The following TUBA1C variants were observed in gnomAD, a reference collection of about 807,000 sequenced individuals.
The protein encoded by TUBA1C is tubulin alpha-1C chain.
Under a neutral mutation model 34.9 loss-of-function variants are expected in TUBA1C, and 16 were observed. The observed-to-expected ratio is 0.46, with a 90% confidence interval of 0.31 to 0.70. The LOEUF (loss-of-function observed/expected upper bound fraction) is 0.70. Among genes scored for constraint, TUBA1C ranks in the 30% least tolerant of loss-of-function variants. The pLI is 0.05. For synonymous variants in TUBA1C, 177 were observed against 215.9 expected (o/e 0.82, Z 1.58); for missense variants, 329 against 587.3 (o/e 0.56, Z 4.55).
At chr12:49,231,592 C>T (rs1487623220) in intron 1 of TUBA1C, among the ~76,000 whole-genome samples, 1 of 152,162 alleles carries the variant, frequency 6.6e-6, no homozygotes, top group East Asian at 1.9e-4. Flanking sequence ...AATTTAATCT[C>T]CTTAACACTG....
intron 1 of TUBA1C, among the ~76,000 whole-genome samples, chr12:49,255,717 C>T (rs975266939): frequency 2.0e-5 from 3 of 152,122 alleles, no homozygotes; most frequent in Non-Finnish European, 4.4e-5. Flanking sequence ...AGGCGTCTGC[C>T]ACCACGCCTG....
chr12:49,255,344 T>C (rs887238954), intron 1 of TUBA1C, among the ~76,000 whole-genome samples: 1 of 151,558 alleles, frequency 6.6e-6, no homozygotes, highest in Non-Finnish European at 1.5e-5. Context: ...GTCAAAATGA[T>C]TCTGTTGCTT....
intron 1 of TUBA1C, among the ~76,000 whole-genome samples, chr12:49,266,747 G>T (rs893380683): frequency 3.9e-5 from 6 of 152,058 alleles, no homozygotes; most frequent in Non-Finnish European, 8.8e-5. Flanking sequence ...TTCTCGGGAG[G>T]CAGGGGTGGG....
chr12:49,236,106 G>A (rs1313518552), intron 1 of TUBA1C, among the ~76,000 whole-genome samples: 1 of 152,242 alleles, frequency 6.6e-6, no homozygotes, highest in East Asian at 1.9e-4. Context: ...GCCTTGCCAC[G>A]GTTTGATATA....
chr12:49,256,278 G>T, intron 1 of TUBA1C: 1 of 328,282 alleles, frequency 3.0e-6, no homozygotes. Flanking sequence ...TTTTTCCTCT[G>T]AAACAACTTT....
At chr12:49,240,787 A>T (rs1170023156) in intron 1 of TUBA1C, among the ~76,000 whole-genome samples, 1 of 151,552 alleles carries the variant, frequency 6.6e-6, no homozygotes, top group Non-Finnish European at 1.5e-5. Context: ...GTAGAGATGG[A>T]CTCTCACTAC....
rs955954945 is a variant in TUBA1C, at chr12:49,268,744, T to G, written c.4-721T>G. ...TATCCAGCATTTTCTTCATGAGTCA[T>G]GGCTATAGTTTGCTGGTTTAAGCTG... On this transcript the variant is annotated intron_variant, in intron 1 of 3. Coordinates refer to ENST00000301072, the MANE Select transcript of TUBA1C (RefSeq NM_032704.5). Among the ~76,000 whole-genome samples, 4 of 152,220 alleles carry G rather than the reference T, an allele frequency of 2.6e-5. No individual in the cohort carries two copies. In the East Asian group the frequency reaches 7.7e-4, roughly 29 times the overall value.
In TUBA1C at chr12:49,248,627, G is replaced by T. The variant is rs189395731; in HGVS notation, c.213+20461G>T. 6.4e-3 allele frequency among the ~76,000 whole-genome samples: 971 copies of T among 151,772 alleles called. 5 individuals are homozygous for T. The highest frequency in any genetic ancestry group is 0.013 in the Admixed American group (192 of 15,240). On this transcript the variant is annotated intron_variant, in intron 1 of 3. Coordinates refer to the TUBA1C transcript ENST00000541364. ...GTCTGTAATCTCAGCACTTTGGGAG[G>T]CCGAGGCGGGCGGATCACGAGGTCA...
intron 1 of TUBA1C, among the ~76,000 whole-genome samples, chr12:49,268,812 A>G (rs1176616814): frequency 6.6e-6 from 1 of 152,192 alleles, no homozygotes; most frequent in East Asian, 1.9e-4. Flanking sequence ...CCTAAAGAAT[A>G]GGATTAAAGC....
chr12:49,249,731 C>T (rs996553146), intron 1 of TUBA1C, among the ~76,000 whole-genome samples: 1 of 151,470 alleles, frequency 6.6e-6, no homozygotes, highest in Non-Finnish European at 1.5e-5. Context: ...CATGGTGGCA[C>T]GTGCCTGTAG....
intron 3 of TUBA1C, among the ~76,000 whole-genome samples, chr12:49,270,370 A>G (rs1258525475): frequency 6.6e-6 from 1 of 152,258 alleles, no homozygotes; most frequent in Non-Finnish European, 1.5e-5. Flanking sequence ...AACAGCCAAT[A>G]CTGGAAACTT....
At chr12:49,229,085 T>C (rs1336486485) in intron 1 of TUBA1C, among the ~76,000 whole-genome samples, 7 of 152,198 alleles carry the variant, frequency 4.6e-5, no homozygotes, top group Non-Finnish European at 7.4e-5. Flanking sequence ...CTCTAATCTA[T>C]TGGTCTTCCC....
At chr12:49,265,957 TAA>T (rs35622750) in intron 1 of TUBA1C, among the ~76,000 whole-genome samples, 8 of 91,818 alleles carry the variant, frequency 8.7e-5, no homozygotes, top group Non-Finnish European at 1.0e-4. Flanking sequence ...GTCTCTACTT[TAA>T]AAAAAAAAAA....
intron 1 of TUBA1C, among the ~76,000 whole-genome samples, chr12:49,249,251 A>C (rs556232632): frequency 3.3e-5 from 5 of 151,964 alleles, no homozygotes; most frequent in Non-Finnish European, 7.4e-5. Context: ...AACATAGACA[A>C]ACCCCGTCTC....
upstream of TUBA1C, among the ~76,000 whole-genome samples, chr12:49,260,525 G>C (rs534238853): frequency 6.6e-6 from 1 of 152,142 alleles, no homozygotes; most frequent in South Asian, 2.1e-4. Context: ...CTCAAATCAG[G>C]GAGGAAGAGA....
chr12:49,273,066 C>T lies in TUBA1C; in HGVS notation c.1189C>T (p.Leu397=). The change falls in exon 4 of 4, where the codon CTG becomes TTG. Residue 397 remains leucine (L), a synonymous_variant. Coordinates refer to ENST00000301072, the MANE Select transcript of TUBA1C (RefSeq NM_032704.5). ...AWARLDHKFD[L]MYAKRAFVHW... The stretch of plus-strand genomic sequence containing the variant: ...GGCTCGCCTGGACCACAAGTTTGAC[C>T]TGATGTATGCCAAGCGTGCCTTTGT... 1 of 1,614,208 alleles carries T rather than the reference C, an allele frequency of 6.2e-7. No individual in the cohort carries two copies.
At chr12:49,253,338 C>T (rs896528309) in intron 1 of TUBA1C, among the ~76,000 whole-genome samples, 3 of 151,992 alleles carry the variant, frequency 2.0e-5, no homozygotes, top group South Asian at 2.1e-4. Flanking sequence ...GTGTAAGCTA[C>T]GGTGGAAGCT....
intron 3 of TUBA1C, among the ~76,000 whole-genome samples, chr12:49,270,602 A>AT (rs1322349992): frequency 1.3e-5 from 2 of 152,242 alleles, no homozygotes; most frequent in African/African-American, 4.8e-5. Flanking sequence ...CTAAAATAGA[A>AT]TAGCCTCATC....
Position 49,273,365 on chromosome 12 carries a change from T to A in TUBA1C, c.*138T>A. 6.6e-7 allele frequency: 1 copy of A among 1,508,022 alleles called. No homozygotes were observed. Among genetic ancestry groups the A allele is most frequent in the Non-Finnish European group, 9.0e-7 (1 of 1,110,772 alleles). 93.4% of individuals were successfully genotyped at this position (1,508,022 alleles called of 1,614,324 possible). On this transcript the variant is annotated 3_prime_UTR_variant, in exon 4 of 4. Transcript: ENST00000301072. ...AGCTGACTTAAATACTTGATCCAGT[T>A]AAAGTTGGATGTATGAGGCTGGTAG...
Sources: allele counts gnomAD v4.1 joint callset (sites outside exome capture counted in the v4.1 genomes callset), GRCh38; gene constraint gnomAD v4.1.1; transcripts MANE v1.5; gene names NCBI Gene and HGNC (gene_info 2026-07-23, HGNC 2026-07-21).